RALB: variants seen among roughly 807,000 people sequenced by gnomAD.
RALB encodes the protein RAS like proto-oncogene B.
A neutral mutation model predicts 21.3 loss-of-function variants in RALB; 16 were observed. The observed-to-expected ratio is 0.75, with a 90% CI of 0.51 to 1.14. RALB has a LOEUF of 1.14. Among genes scored for constraint, RALB ranks in the 50% most tolerant of loss-of-function variants. The pLI is 0.00. For synonymous variants in RALB, 93 were observed against 96.1 expected (o/e 0.97, Z 0.19); for missense variants, 161 against 256.2 (o/e 0.63, Z 2.54).
intron 1 of RALB, among the ~76,000 whole-genome samples, chr2:120,277,536 T>TTGTG (rs376774307): frequency 2.0e-5 from 3 of 149,270 alleles, no homozygotes; most frequent in African/African-American, 4.9e-5. Flanking sequence ...GAGTGTGTAG[T>TTGTG]TGTGTGTGTG....
At chr2:120,240,287 A>ATTTTT (rs1433107492) in intron 1 of RALB, among the ~76,000 whole-genome samples, 1 of 133,870 alleles carries the variant, frequency 7.5e-6, no homozygotes, top group Admixed American at 7.2e-5. Flanking sequence ...TTTTATTTTT[A>ATTTTT]TTTTTATTTT....
intron 1 of RALB, chr2:120,240,274 C>CTTTTTTTTTTTTTTT (rs1371241309): frequency 1.9e-6 from 1 of 525,390 alleles, no homozygotes; most frequent in African/African-American, 2.5e-5. Flanking sequence ...GGAGCTGCTA[C>CTTTTTTTTTTTTTTT]TTTTTTATTT....
chr2:120,292,027 C>G (rs1690316959), intron 4 of RALB, among the ~76,000 whole-genome samples: 1 of 152,216 alleles, frequency 6.6e-6, no homozygotes, highest in Non-Finnish European at 1.5e-5. Context: ...TCTCAAATGT[C>G]TCTTCGTAGG....
chr2:120,244,039 G>T (rs1688932112), intron 1 of RALB, among the ~76,000 whole-genome samples: 1 of 152,178 alleles, frequency 6.6e-6, no homozygotes, highest in Non-Finnish European at 1.5e-5. Context: ...TACAATCATG[G>T]CAGGAAGTGA....
intron 2 of RALB, 59 bp downstream of exon 2, chr2:120,278,837 C>A: frequency 7.1e-7 from 1 of 1,404,684 alleles, no homozygotes; most frequent in Non-Finnish European, 9.4e-7. Flanking sequence ...AGTGTCCCTG[C>A]TCCCGCTGTT....
chr2:120,277,504 A>G (rs1460777284), intron 1 of RALB, among the ~76,000 whole-genome samples: 1 of 76,082 alleles, frequency 1.3e-5, no homozygotes, highest in African/African-American at 6.4e-5. Context: ...TGGTATGAGC[A>G]TGTGAACGTT....
intron 3 of RALB, among the ~76,000 whole-genome samples, chr2:120,288,943 C>A (rs1182976740): frequency 3.9e-5 from 6 of 152,160 alleles, no homozygotes; most frequent in Non-Finnish European, 5.9e-5. Flanking sequence ...CAGATCTAAT[C>A]AAAACTGAAG....
rs1690374001 is a variant in RALB at position 120,294,401 on chromosome 2, A to AAAGATTTT, written c.*1142_*1149dup. On this transcript the variant is annotated 3_prime_UTR_variant, in exon 5 of 5. Transcript: ENST00000272519. ...TTCTAAGATAGCCAGATAGTTAGAA[A>AAAGATTTT]AAGATTTTCATTGATGACATATCTT... 2.5e-6 allele frequency: 1 copy of AAAGATTTT among 397,846 alleles called. No homozygotes were observed. The highest frequency in any genetic ancestry group is 4.4e-6 in the Non-Finnish European group (1 of 225,866). The allele number at this position is 397,846 out of a possible 1,614,324, so 24.6% of individuals were successfully genotyped here.
chr2:120,284,199 G>A (rs1690065308), intron 2 of RALB, among the ~76,000 whole-genome samples: 1 of 152,156 alleles, frequency 6.6e-6, no homozygotes, highest in Non-Finnish European at 1.5e-5. Flanking sequence ...ACGTTGAAGA[G>A]AACCTAATAC....
intron 1 of RALB, among the ~76,000 whole-genome samples, chr2:120,272,607 G>A (rs956124624): frequency 6.6e-6 from 1 of 152,142 alleles, no homozygotes; most frequent in Non-Finnish European, 1.5e-5. Context: ...GAAGATACCT[G>A]TATTTTTTTA....
At chr2:120,258,865 C>G (rs926349172) in intron 1 of RALB, among the ~76,000 whole-genome samples, 1 of 152,156 alleles carries the variant, frequency 6.6e-6, no homozygotes, top group South Asian at 2.1e-4. Context: ...AGCCGCGGAC[C>G]CTCGCGGTGA....
intron 1 of RALB, among the ~76,000 whole-genome samples, chr2:120,265,830 T>A (rs1032242082): frequency 6.6e-6 from 1 of 152,258 alleles, no homozygotes; most frequent in African/African-American, 2.4e-5. Context: ...TAGGTTTTAT[T>A]TGAATAAATA....
chr2:120,254,109 A>G (rs1470654075), intron 1 of RALB, among the ~76,000 whole-genome samples: 1 of 152,198 alleles, frequency 6.6e-6, no homozygotes, highest in Non-Finnish European at 1.5e-5. Flanking sequence ...AGCACTGCAT[A>G]TTGGGAAAAA....
chr2:120,275,715 C>A (rs768032429), intron 1 of RALB, among the ~76,000 whole-genome samples: 3 of 152,072 alleles, frequency 2.0e-5, no homozygotes, highest in Admixed American at 1.3e-4. Context: ...AAATAGGAGT[C>A]CACCATGTTG....
At chr2:120,277,607 TGTG>T (rs933050435) in intron 1 of RALB, among the ~76,000 whole-genome samples, 1 of 151,960 alleles carries the variant, frequency 6.6e-6, no homozygotes, top group African/African-American at 2.4e-5. Flanking sequence ...GAGTGTGTGT[TGTG>T]AGAGCATGTG....
At chr2:120,288,106 C>T (rs1273318859) in intron 3 of RALB, among the ~76,000 whole-genome samples, 19 of 152,140 alleles carry the variant, frequency 1.2e-4, no homozygotes, top group Admixed American at 1.0e-3. Flanking sequence ...ATATGTTTAT[C>T]AATGAGGTAA....
chr2:120,286,116 G>A (rs780433173), intron 3 of RALB, 34 bp downstream of exon 3: 113 of 1,599,084 alleles, frequency 7.1e-5, no homozygotes, highest in Non-Finnish European at 9.5e-5. Flanking sequence ...AAGCCCCCAG[G>A]AAGCTTTTTG....
At position 120,289,640 on chromosome 2, in the gene RALB, C is replaced by G; in HGVS notation, c.384C>G (p.Asn128Lys). Residue 128 changes from asparagine to lysine, a missense_variant, in exon 4 of 5, where the codon AAC (asparagine) becomes AAG (lysine). Transcript: ENST00000272519. ...AAATTCCACTGCTCGTCGTGGGAAA[C>G]AAGTCTGACCTAGAGGAGCGGAGGC... ...EDKIPLLVVG[N>K]KSDLEERRQV... is the part of the protein sequence containing the mutation. The G allele has an allele frequency of 6.2e-7, 1 of 1,614,150 alleles. No homozygotes were observed. The highest frequency in any genetic ancestry group is 8.5e-7 in the Non-Finnish European group (1 of 1,179,990).
rs1369349998 is a variant in RALB, at chr2:120,244,642, AT to A, written c.19+4520del. ...CATCCATCCATCCATCCATCCATCC[AT>A]TTATCTGTCCATCCGTCCATGGACA... is the stretch of plus-strand genomic sequence containing the variant. On this transcript the variant is annotated intron_variant, in intron 1 of 3. Coordinates refer to the RALB transcript ENST00000447591. Among the ~76,000 whole-genome samples, 144 of 152,096 alleles carry A rather than the reference AT, an allele frequency of 9.5e-4. 1 individual carries two copies. Among genetic ancestry groups the A allele is most frequent in the African/African-American group, 3.3e-3 (138 of 41,456 alleles).
Sources: gnomAD v4.1 joint callset for allele counts (sites outside exome capture counted in the v4.1 genomes callset) on GRCh38, gnomAD v4.1.1 for gene constraint, MANE v1.5 for transcripts, NCBI Gene and HGNC (gene_info 2026-07-23, HGNC 2026-07-21) for gene names.